CDK14: variants seen among roughly 807,000 people sequenced by gnomAD.
CDK14 encodes cyclin-dependent kinase 14.
In CDK14, 34 loss-of-function variants were observed where a neutral mutation model predicts 60.7. The ratio of observed to expected loss-of-function variants is 0.56; its 90% CI spans 0.43 to 0.75. The LOEUF (loss-of-function observed/expected upper bound fraction) is 0.75. Ranked by LOEUF, CDK14 falls within the 30% of genes least tolerant of loss-of-function variation. The pLI, the probability that CDK14 is intolerant of heterozygous loss-of-function variation, is 0.00. For synonymous variants in CDK14, 197 were observed against 203.7 expected, an observed-to-expected ratio of 0.97 and a Z score of 0.28; for missense variants, 482 against 564.1, an observed-to-expected ratio of 0.85 and a Z score of 1.47.
At chr7:91,090,370 TC>T (rs1354902915) in intron 12 of CDK14, among the ~76,000 whole-genome samples, 2 of 152,196 alleles carry the variant, frequency 1.3e-5, no homozygotes, top group Admixed American at 6.5e-5. Flanking sequence ...ACAAGAATGT[TC>T]GCTATCTTCA....
At chr7:90,819,609 G>A (rs1789472977) in intron 5 of CDK14, among the ~76,000 whole-genome samples, 1 of 152,022 alleles carries the variant, frequency 6.6e-6, no homozygotes, top group Non-Finnish European at 1.5e-5. Flanking sequence ...AGAAAAGAGA[G>A]AAGACATTAC....
intron 2 of CDK14, among the ~76,000 whole-genome samples, chr7:90,671,802 C>T (rs1184495951): frequency 6.6e-6 from 1 of 152,150 alleles, no homozygotes; most frequent in Non-Finnish European, 1.5e-5. Context: ...CAAGCAGTTC[C>T]TTCAGCATAT....
chr7:90,822,869 A>C (rs1004953744), intron 5 of CDK14, among the ~76,000 whole-genome samples: 2 of 152,176 alleles, frequency 1.3e-5, no homozygotes, highest in African/African-American at 4.8e-5. Flanking sequence ...AGGAATCTTT[A>C]ATTTCTTGAC....
rs536642495 is a variant in CDK14 at position 91,110,325 on chromosome 7, A to G, written c.1155-2217A>G. Among the ~76,000 whole-genome samples, 21 of 152,304 alleles carry G rather than the reference A, an allele frequency of 1.4e-4. No homozygotes were observed. In the South Asian group the frequency reaches 4.3e-3, roughly 32 times the overall value. On this transcript the variant is annotated intron_variant, in intron 12 of 14. Transcript: ENST00000380050. ...TTAGTGGGGAATGGGACTATCTTATATTGATGAATTCCTTATATGAGGCAT... is the reference window on the plus strand; with the variant it reads ...TTAGTGGGGAATGGGACTATCTTATGTTGATGAATTCCTTATATGAGGCAT...
At chr7:90,655,364 A>T (rs1208387075) in intron 2 of CDK14, among the ~76,000 whole-genome samples, 1 of 152,150 alleles carries the variant, frequency 6.6e-6, no homozygotes, top group Non-Finnish European at 1.5e-5. Context: ...CTGGTGTCCC[A>T]GGATTTAAGA....
intron 6 of CDK14, among the ~76,000 whole-genome samples, chr7:90,879,125 C>A (rs1417268851): frequency 6.6e-6 from 1 of 152,182 alleles, no homozygotes; most frequent in African/African-American, 2.4e-5. Context: ...ACTATCCTGA[C>A]TGAAGTATCC....
intron 8 of CDK14, among the ~76,000 whole-genome samples, chr7:90,937,609 T>G (rs1460493680): frequency 1.3e-5 from 2 of 152,238 alleles, no homozygotes; most frequent in African/African-American, 2.4e-5. Flanking sequence ...TTAGGAGATA[T>G]TCTAGACCAG....
At chr7:90,898,955 T>A (rs1792418590) in intron 6 of CDK14, among the ~76,000 whole-genome samples, 1 of 152,156 alleles carries the variant, frequency 6.6e-6, no homozygotes, top group Middle Eastern at 3.4e-3. Flanking sequence ...ATTGACATTA[T>A]AATTGCATTG....
At chr7:91,176,809 A>G (rs1451963386) in intron 14 of CDK14, among the ~76,000 whole-genome samples, 3 of 151,888 alleles carry the variant, frequency 2.0e-5, no homozygotes, top group Non-Finnish European at 4.4e-5. Flanking sequence ...AAATTGTGGC[A>G]ATAATCAATA....
intron 8 of CDK14, among the ~76,000 whole-genome samples, chr7:90,924,745 T>G (rs1793361908): frequency 6.6e-6 from 1 of 152,214 alleles, no homozygotes; most frequent in Non-Finnish European, 1.5e-5. Flanking sequence ...GTTTCTCACT[T>G]TAATACCACC....
chr7:91,071,260 A>G (rs1317768009), intron 11 of CDK14, among the ~76,000 whole-genome samples: 1 of 152,258 alleles, frequency 6.6e-6, no homozygotes, highest in Non-Finnish European at 1.5e-5. Flanking sequence ...ATGGCCGACT[A>G]GAAGCAGTGG....
At chr7:90,969,795 C>T (rs1427060244) in intron 9 of CDK14, among the ~76,000 whole-genome samples, 2 of 151,802 alleles carry the variant, frequency 1.3e-5, no homozygotes, top group Non-Finnish European at 2.9e-5. Flanking sequence ...TTTTTTCTTA[C>T]AGTAGTCCTC....
chr7:91,003,940 G>A (rs1795911109), intron 10 of CDK14, among the ~76,000 whole-genome samples: 1 of 152,082 alleles, frequency 6.6e-6, no homozygotes, highest in Non-Finnish European at 1.5e-5. Context: ...ATAACTTGCA[G>A]TATACATTGA....
At chr7:90,773,470 G>A (rs767623000) in intron 4 of CDK14, among the ~76,000 whole-genome samples, 4 of 152,230 alleles carry the variant, frequency 2.6e-5, no homozygotes, top group Non-Finnish European at 5.9e-5. Flanking sequence ...CCCAGGGCCT[G>A]CCGCATAGTG....
At position 91,063,254 on chromosome 7, in the gene CDK14, A is replaced by G. The variant is rs141979090; in HGVS notation, c.1106-16178A>G. 1.7e-3 allele frequency among the ~76,000 whole-genome samples: 255 copies of G among 152,332 alleles called. 1 individual carries two copies. The highest frequency in any genetic ancestry group is 5.8e-3 in the African/African-American group (240 of 41,578). ...ATAGCTCCTTCAAGACAAATGCATG[A>G]CTATGGAATAATAACTCTTATTCTA... On this transcript the variant is annotated intron_variant, in intron 11 of 14. Transcript: ENST00000380050.
At chr7:91,098,896 AT>A (rs1799083934) in intron 12 of CDK14, among the ~76,000 whole-genome samples, 1 of 152,104 alleles carries the variant, frequency 6.6e-6, no homozygotes, top group Non-Finnish European at 1.5e-5. Context: ...AAAATCTGAT[AT>A]ATTTTTAGGG....
At chr7:90,892,542 A>G (rs989369899) in intron 6 of CDK14, among the ~76,000 whole-genome samples, 4 of 152,050 alleles carry the variant, frequency 2.6e-5, no homozygotes, top group African/African-American at 9.7e-5. Context: ...ACAAGGGGTT[A>G]TTTTTCTCTT....
chr7:90,675,338 T>C (rs562558255), intron 2 of CDK14, among the ~76,000 whole-genome samples: 2 of 152,302 alleles, frequency 1.3e-5, no homozygotes, highest in Non-Finnish European at 2.9e-5. Context: ...TATTTTGCTT[T>C]CAAACTTCTT....
intron 4 of CDK14, among the ~76,000 whole-genome samples, chr7:90,750,517 A>G (rs181143489): frequency 2.6e-5 from 4 of 152,250 alleles, no homozygotes; most frequent in African/African-American, 9.6e-5. Flanking sequence ...AGAAGGAGAT[A>G]TAACATCTTA....
Sources: allele counts gnomAD v4.1 joint callset (sites outside exome capture counted in the v4.1 genomes callset), GRCh38; gene constraint gnomAD v4.1.1; transcripts MANE v1.5; gene names NCBI Gene and HGNC (gene_info 2026-07-23, HGNC 2026-07-21).